Variants in FAT3 observed in about 807,000 individuals in gnomAD.
The protein encoded by FAT3 is protocadherin Fat 3.
FAT3 carries 95 observed loss-of-function variants against 310.2 expected under a neutral mutation model. That is an observed-to-expected ratio of 0.31 (90% confidence interval 0.26 to 0.36). The LOEUF (loss-of-function observed/expected upper bound fraction) is 0.36. Among genes scored for constraint, FAT3 ranks in the 10% least tolerant of loss-of-function variants. The pLI is 1.00. For missense variants in FAT3, 5,408 were observed against 5,715.6 expected, an observed-to-expected ratio of 0.95 and a Z score of 1.74; for synonymous variants, 2,314 against 2,192.9, an observed-to-expected ratio of 1.06 and a Z score of -1.54.
chr11:92,403,194 T>C (rs1417284091), intron 2 of FAT3: 1 of 152,212 alleles, frequency 6.6e-6, no homozygotes, highest in Non-Finnish European at 1.5e-5. Context: ...AGATGTAATG[T>C]CAACAAGAAG....
At chr11:92,706,534 CA>C (rs1009617870) in intron 4 of FAT3, among the ~76,000 whole-genome samples, 5 of 147,828 alleles carry the variant, frequency 3.4e-5, no homozygotes, top group South Asian at 2.1e-4. Context: ...ATTTGTTTCC[CA>C]AAAAAAAAAT....
chr11:92,882,679 G>T (rs866877484), intron 23 of FAT3, 59 bp from the exon 24 acceptor site: 3 of 1,446,052 alleles, frequency 2.1e-6, no homozygotes, highest in Non-Finnish European at 2.8e-6. Context: ...TCGAGTTCCC[G>T]TATACCAACG....
chr11:92,315,266 A>T (rs1434793844), intron 1 of FAT3, among the ~76,000 whole-genome samples: 1 of 150,200 alleles, frequency 6.7e-6, no homozygotes, highest in East Asian at 1.9e-4. Flanking sequence ...ACTGAGATTA[A>T]AAATTATTCA....
chr11:92,607,240 C>T (rs1304403626), intron 3 of FAT3, among the ~76,000 whole-genome samples: 1 of 151,886 alleles, frequency 6.6e-6, no homozygotes, highest in African/African-American at 2.4e-5. Context: ...TATGATTTCC[C>T]TTGTAGCCTC....
At chr11:92,555,998 C>A (rs1955006257) in intron 3 of FAT3, among the ~76,000 whole-genome samples, 1 of 152,214 alleles carries the variant, frequency 6.6e-6, no homozygotes, top group Non-Finnish European at 1.5e-5. Flanking sequence ...GATAATAGTA[C>A]TGTTTATTGT....
chr11:92,891,180 GTCCCAGT>G lies in FAT3; in HGVS notation c.*68_*74del. On this transcript the variant is annotated 3_prime_UTR_variant, in exon 28 of 28. Coordinates refer to ENST00000525166, the MANE Select transcript of FAT3 (RefSeq NM_001367949.2). ...GTGGAAGCAGATTGGCTGGGCTTCT[GTCCCAGT>G]GGAGCATTGTCTGTGGAATGAGAAG... 9 of 1,563,300 alleles carry G rather than the reference GTCCCAGT, an allele frequency of 5.8e-6. No homozygotes were observed. The South Asian group carries it at 9.3e-5, about 16-fold the overall frequency.
chr11:92,372,567 G>A (rs576463441), intron 2 of FAT3, among the ~76,000 whole-genome samples: 1 of 152,208 alleles, frequency 6.6e-6, no homozygotes, highest in Admixed American at 6.5e-5. Flanking sequence ...GTTTATCAAG[G>A]TTTTGTGATC....
intron 1 of FAT3, among the ~76,000 whole-genome samples, chr11:92,337,721 G>A (rs577513895): frequency 2.0e-5 from 3 of 152,192 alleles, no homozygotes; most frequent in Admixed American, 1.3e-4. Flanking sequence ...GTAAGCCACC[G>A]CACTTGACGG....
At chr11:92,417,245 A>G (rs184563530) in intron 2 of FAT3, among the ~76,000 whole-genome samples, 27 of 152,314 alleles carry the variant, frequency 1.8e-4, no homozygotes, top group African/African-American at 6.0e-4. Context: ...GGAAGAGTTC[A>G]CTGTCAACTG....
intron 3 of FAT3, among the ~76,000 whole-genome samples, chr11:92,624,681 A>T (rs1941243162): frequency 6.6e-6 from 1 of 152,166 alleles, no homozygotes; most frequent in Non-Finnish European, 1.5e-5. Flanking sequence ...TGGGCTGTGG[A>T]TTTAGAGAGA....
chr11:92,499,138 G>A (rs73550940), intron 2 of FAT3, among the ~76,000 whole-genome samples: 5,732 of 152,030 alleles, frequency 0.038, 356 homozygotes, highest in African/African-American at 0.13. Context: ...TTGATACAGA[G>A]GCAGTTACTA....
intron 2 of FAT3, among the ~76,000 whole-genome samples, chr11:92,423,305 A>G (rs1465477179): frequency 7.2e-5 from 11 of 152,174 alleles, no homozygotes. Context: ...GAAATGACAC[A>G]TAATAAAATA....
intron 1 of FAT3, among the ~76,000 whole-genome samples, chr11:92,228,879 T>G (rs1864031094): frequency 6.6e-6 from 1 of 152,204 alleles, no homozygotes; most frequent in South Asian, 2.1e-4. Flanking sequence ...ATCCCCAGGT[T>G]TTTCTTTTTT....
At chr11:92,317,629 C>T (rs189192236) in intron 1 of FAT3, among the ~76,000 whole-genome samples, 98 of 152,218 alleles carry the variant, frequency 6.4e-4, no homozygotes, top group Middle Eastern at 3.4e-3. Context: ...AAGTGTATGC[C>T]GGAGACTAAA....
intron 2 of FAT3, among the ~76,000 whole-genome samples, chr11:92,393,714 G>T (rs1446458578): frequency 6.6e-6 from 1 of 152,144 alleles, no homozygotes; most frequent in African/African-American, 2.4e-5. Flanking sequence ...AATTACGAGT[G>T]CAGTATTTTT....
chr11:92,683,966 G>A (rs1439956291), intron 3 of FAT3, among the ~76,000 whole-genome samples: 1 of 152,176 alleles, frequency 6.6e-6, no homozygotes, highest in African/African-American at 2.4e-5. Flanking sequence ...TCCATGACAT[G>A]TAGCATCGAC....
At chr11:92,830,054 A>G (rs1027956996) in intron 13 of FAT3, among the ~76,000 whole-genome samples, 3 of 152,218 alleles carry the variant, frequency 2.0e-5, no homozygotes, top group Non-Finnish European at 4.4e-5. Context: ...TGGTTCCACA[A>G]TTCTCAAAAG....
Position 92,750,087 on chromosome 11 carries a change from T to C in FAT3, c.3670-11769T>C, listed in dbSNP as rs1165451799. Among the ~76,000 whole-genome samples, 7 of 152,170 alleles carry C rather than the reference T, an allele frequency of 4.6e-5. No homozygotes were observed. In the East Asian group the frequency reaches 5.8e-4, roughly 13 times the overall value. ...CTGAGAGGGTCAATGTGGCAGCACA[T>C]TGGAAGCCTTCTTGCTGCGTGTGGT... On this transcript the variant is annotated intron_variant, in intron 4 of 27. Transcript: ENST00000525166.
intron 2 of FAT3, among the ~76,000 whole-genome samples, chr11:92,410,775 G>C (rs1214406736): frequency 6.6e-6 from 1 of 151,854 alleles, no homozygotes; most frequent in Non-Finnish European, 1.5e-5. Context: ...GACCTCCCTG[G>C]CCTCCCTGCC....
Sources: allele counts gnomAD v4.1 joint callset (sites outside exome capture counted in the v4.1 genomes callset), GRCh38; gene constraint gnomAD v4.1.1; transcripts MANE v1.5; gene names NCBI Gene and HGNC (gene_info 2026-07-23, HGNC 2026-07-21).